The following SLC15A3 variants were observed in gnomAD, a reference collection of about 807,000 sequenced individuals.
SLC15A3 encodes solute carrier family 15 member 3.
SLC15A3 carries 39 observed loss-of-function variants against 49.2 expected under a neutral mutation model. That is an observed-to-expected ratio of 0.79 (90% confidence interval 0.61 to 1.04). The LOEUF is 1.04. Among genes scored for constraint, SLC15A3 ranks in the 50% least tolerant of loss-of-function variants. The pLI is 0.00. For synonymous variants in SLC15A3, 339 were observed against 367.0 expected (o/e 0.92, Z 0.87); for missense variants, 758 against 794.8 (o/e 0.95, Z 0.56).
At chr11:60,942,218 T>A in intron 3 of SLC15A3, 73 bp from the exon 4 acceptor site, 1 of 1,276,138 alleles carries the variant, frequency 7.8e-7, no homozygotes, top group Non-Finnish European at 1.1e-6. Context: ...GTGGCATTCC[T>A]CAGCGCCGTA....
intron 6 of SLC15A3, 85 bp downstream of exon 6, chr11:60,939,395 C>A: frequency 6.6e-7 from 1 of 1,521,606 alleles, no homozygotes; most frequent in Non-Finnish European, 9.0e-7. Context: ...GCCCTGGGGG[C>A]TGCATCCCTG....
intron 1 of SLC15A3, among the ~76,000 whole-genome samples, chr11:60,949,569 A>AAAGAAAGAAAG (rs1856878039): frequency 1.4e-5 from 2 of 147,332 alleles, no homozygotes; most frequent in African/African-American, 2.5e-5. Flanking sequence ...AGAAAGAAAG[A>AAAGAAAGAAAG]AAAGAGATGG....
chr11:60,937,458 T>C (rs527718693), intron 7 of SLC15A3, 85 bp from the exon 8 acceptor site: 4 of 1,568,930 alleles, frequency 2.5e-6, no homozygotes, highest in Non-Finnish European at 3.5e-6. Context: ...GCCCTGGGGC[T>C]GGCAACTGAG....
At chr11:60,947,336 C>T (rs908043327) in intron 1 of SLC15A3, among the ~76,000 whole-genome samples, 2 of 152,154 alleles carry the variant, frequency 1.3e-5, no homozygotes, top group African/African-American at 4.8e-5. Context: ...CCTGCCACCA[C>T]ACCTGGCTAA....
chr11:60,944,538 C>A (rs1379685125), intron 2 of SLC15A3, among the ~76,000 whole-genome samples: 3 of 152,134 alleles, frequency 2.0e-5, no homozygotes, highest in African/African-American at 7.2e-5. Flanking sequence ...GAGCTGTGGC[C>A]CCTCTGAGTC....
chr11:60,944,767 A>G (rs1856777885), intron 2 of SLC15A3, among the ~76,000 whole-genome samples: 1 of 152,142 alleles, frequency 6.6e-6, no homozygotes, highest in South Asian at 2.1e-4. Flanking sequence ...ATGACAAGGC[A>G]TAGAGAGTGG....
chr11:60,937,145 GAGA>G lies in SLC15A3; in HGVS notation c.*71_*73del. ...CCATTTCATTCTAACAGAATAAACC[GAGA>G]AGGAAACCAGAGCTGGGACTGCTGC... On this transcript the variant is annotated 3_prime_UTR_variant, in exon 8 of 8. Transcript: ENST00000227880. 1 of 1,548,182 alleles carries G rather than the reference GAGA, an allele frequency of 6.5e-7. No individual in the cohort carries two copies. The highest frequency in any genetic ancestry group is 1.2e-5 in the South Asian group (1 of 83,140).
rs752649678 is a variant in SLC15A3, at chr11:60,946,636, G to A, written c.744C>T (p.Thr248=). The part of the protein sequence containing the change: ...GLAFFIFLFA[T]PVFITKPPMG... Reference sequence around the variant, plus strand: ...TCGGGGGCTTGGTGATGAAGACGGGGGTGGCAAAGAGGAAGATGAAAAATG... The same window carrying A: ...TCGGGGGCTTGGTGATGAAGACGGGAGTGGCAAAGAGGAAGATGAAAAATG... The change falls in exon 2 of 8, where the codon ACC becomes ACT. Residue 248 remains threonine, a synonymous_variant. Transcript: ENST00000227880. 6.2e-7 allele frequency: 1 copy of A among 1,614,066 alleles called. No homozygotes were observed. The highest frequency in any genetic ancestry group is 1.7e-5 in the Admixed American group (1 of 60,030).
In SLC15A3 at chr11:60,946,622, G is replaced by T; in HGVS notation, c.758C>A (p.Thr253Asn). ...IFLFATPVFI[T>N]KPPMGSQVSS... ...CACTTGGCTGCCCATCGGGGGCTTG[G>T]TGATGAAGACGGGGGTGGCAAAGAG... is the stretch of plus-strand genomic sequence containing the variant. The change falls in exon 2 of 8, where the codon ACC becomes AAC. Residue 253 changes from threonine to asparagine, a missense_variant. Physicochemically the swap from Thr to Asn is moderately conservative, Grantham distance 65 (BLOSUM62 0). This residue lies in a region of SLC15A3 where 699 missense variants were observed against 706.7 expected (regional missense o/e 0.99). Transcript: ENST00000227880. The T allele has an allele frequency of 6.2e-7, 1 of 1,614,018 alleles. No individual in the cohort carries two copies. The highest frequency in any genetic ancestry group is 8.5e-7 in the Non-Finnish European group (1 of 1,179,898).
rs925247778 is a variant in SLC15A3 at position 60,951,591 on chromosome 11, C to A, written c.-40G>T. On this transcript the variant is annotated 5_prime_UTR_variant, in exon 1 of 8. Coordinates refer to ENST00000227880, the MANE Select transcript of SLC15A3 (RefSeq NM_016582.3). ...GGGCCCCCCGCGGCTCTTCTCTCCT[C>A]TCCTCTCCCCGCCTCAGAGCCCTGC... The A allele has an allele frequency of 1.8e-6, 2 of 1,129,216 alleles. No individual in the cohort carries two copies. The highest frequency in any genetic ancestry group is 2.2e-6 in the Non-Finnish European group (2 of 922,430). 69.9% of individuals were successfully genotyped at this position (1,129,216 alleles called of 1,614,324 possible).
At chr11:60,948,767 C>G (rs1011925646) in intron 1 of SLC15A3, among the ~76,000 whole-genome samples, 2 of 152,166 alleles carry the variant, frequency 1.3e-5, no homozygotes, top group Non-Finnish European at 2.9e-5. Flanking sequence ...CGTGCCCAGC[C>G]AAGGGGAGAA....
rs1348576700 is a variant in SLC15A3 at position 60,937,969 on chromosome 11, T to C, written c.1492A>G (p.Ile498Val). 6.2e-6 allele frequency: 10 copies of C among 1,614,100 alleles called. No individual in the cohort carries two copies. The highest frequency in any genetic ancestry group is 8.5e-6 in the Non-Finnish European group (10 of 1,179,986). ...CCCACCCCCGACAGGCAGAAGAAGA[T>C]GCCCATGATGGCGCCCTGCATGGAG... The part of the protein sequence containing the change: ...PRSMQGAIMG[I>V]FFCLSGVGSL... Residue 498 changes from isoleucine (I) to valine (V), a missense_variant, in exon 7 of 8, where the codon ATC becomes GTC. Ile to Val is a conservative substitution (Grantham distance 29, BLOSUM62 3). This residue lies in a region of SLC15A3 where 699 missense variants were observed against 706.7 expected (regional missense o/e 0.99). Coordinates refer to ENST00000227880, the MANE Select transcript of SLC15A3 (RefSeq NM_016582.3).
At chr11:60,949,819 A>T (rs1451907162) in intron 1 of SLC15A3, among the ~76,000 whole-genome samples, 2 of 152,250 alleles carry the variant, frequency 1.3e-5, no homozygotes, top group East Asian at 3.8e-4. Flanking sequence ...TACCACTGTG[A>T]CAATCTTTTT....
intron 1 of SLC15A3, among the ~76,000 whole-genome samples, chr11:60,949,564 G>GGAAGA (rs1554986439): frequency 8.5e-6 from 1 of 118,016 alleles, no homozygotes; most frequent in East Asian, 2.6e-4. Context: ...AAGAAAGAAA[G>GGAAGA]AAAGAAAAGA....
At chr11:60,940,072 A>G (rs753613645) in intron 5 of SLC15A3, 2 of 179,518 alleles carry the variant, frequency 1.1e-5, no homozygotes, top group Non-Finnish European at 2.4e-5. Flanking sequence ...CCTACTTTCC[A>G]TGATATCACA....
intron 1 of SLC15A3, among the ~76,000 whole-genome samples, chr11:60,947,471 G>A (rs1856821253): frequency 6.6e-6 from 1 of 152,144 alleles, no homozygotes. Context: ...GAGCCATCGC[G>A]CCCGGCCTAT....
At chr11:60,939,721 G>T in intron 5 of SLC15A3, 83 bp from the exon 6 acceptor site, 2 of 1,501,112 alleles carry the variant, frequency 1.3e-6, no homozygotes, top group Non-Finnish European at 9.0e-7. Flanking sequence ...TGGTGGGGAT[G>T]GGGTACTCAT....
At chr11:60,944,173 C>A (rs1476556257) in intron 2 of SLC15A3, among the ~76,000 whole-genome samples, 4 of 152,092 alleles carry the variant, frequency 2.6e-5, no homozygotes, top group Admixed American at 6.6e-5. Flanking sequence ...AACAAGCAAA[C>A]AAACAAACGC....
At position 60,938,052 on chromosome 11, in the gene SLC15A3, CAG is replaced by C. The variant is rs753077994; in HGVS notation, c.1436-29_1436-28del. 89 of 1,610,312 alleles carry C rather than the reference CAG, an allele frequency of 5.5e-5. No individual in the cohort carries two copies. In the African/African-American group the frequency reaches 1.1e-3, roughly 20 times the overall value. On this transcript the variant is annotated intron_variant, in intron 6 of 7. Transcript: ENST00000227880. ...TGCAGAGGGGGAGCAGAGACGATCT[CAG>C]GGGCTGGTGCAGGCGCAGAGAACAG...
Sources: allele counts gnomAD v4.1 joint callset (sites outside exome capture counted in the v4.1 genomes callset), GRCh38; gene constraint gnomAD v4.1.1; regional missense constraint gnomAD v4.1.1; transcripts MANE v1.5; gene names NCBI Gene and HGNC (gene_info 2026-07-23, HGNC 2026-07-21).